The following ATP10B variants were observed in gnomAD, a reference collection of about 807,000 sequenced individuals.
The protein encoded by ATP10B is ATPase phospholipid transporting 10B (putative), also known as phospholipid-transporting ATPase VB.
In ATP10B, 122 loss-of-function variants were observed where a neutral mutation model predicts 141.2. The ratio of observed to expected loss-of-function variants is 0.86; its 90% CI spans 0.75 to 1.00. ATP10B has a LOEUF of 1.00. Among genes scored for constraint, ATP10B ranks in the 50% least tolerant of loss-of-function variants. The pLI is 0.00. For synonymous variants in ATP10B, 685 were observed against 692.0 expected, an observed-to-expected ratio of 0.99 and a Z score of 0.16; for missense variants, 1,876 against 1,825.3, an observed-to-expected ratio of 1.03 and a Z score of -0.51.
rs1758303156 is a variant in ATP10B at position 160,620,851 on chromosome 5, A to C, written c.1912T>G (p.Ser638Ala). 1 of 1,614,230 alleles carries C rather than the reference A, an allele frequency of 6.2e-7. No individual in the cohort carries two copies. Among genetic ancestry groups the C allele is most frequent in the Non-Finnish European group, 8.5e-7 (1 of 1,180,030 alleles). ...TCTGTGTCAGAGGGTGCAGTGGATG[A>C]GAATGACTGGCTGAGGCTCAATAGC... ...LKLLSLSQSF[S>A]STAPSDTDLG... Residue 638 changes from serine to alanine, a missense_variant, in exon 15 of 26, where the codon TCA becomes GCA. Ser to Ala is a moderately conservative substitution (Grantham distance 99). Coordinates refer to ENST00000327245, the MANE Select transcript of ATP10B (RefSeq NM_025153.3).
chr5:160,759,572 C>A (rs1456392889), intron 2 of ATP10B, among the ~76,000 whole-genome samples: 6 of 152,098 alleles, frequency 3.9e-5, no homozygotes, highest in Non-Finnish European at 7.4e-5. Flanking sequence ...ATAGCTGAGG[C>A]CTTTCTAAAT....
chr5:160,861,377 A>T, the ATP10B span, among the ~76,000 whole-genome samples: 2 of 151,942 alleles, frequency 1.3e-5, no homozygotes, highest in Non-Finnish European at 2.9e-5. Context: ...TATTTTGATG[A>T]TTATGGAATG....
At position 160,598,987 on chromosome 5, in the gene ATP10B, T is replaced by C. The variant is rs770432631; in HGVS notation, c.3364-17A>G. ...GACGTAGCACTGCAGGCAGAGAGCA[T>C]GGCCTTGTGAGTGGGGCTCCATGTG... On this transcript the variant is annotated splice_polypyrimidine_tract_variant and intron_variant, in intron 21 of 25. Coordinates refer to ENST00000327245, the MANE Select transcript of ATP10B (RefSeq NM_025153.3). The C allele has an allele frequency of 2.5e-6, 4 of 1,612,724 alleles. No homozygotes were observed. Among genetic ancestry groups the C allele is most frequent in the East Asian group, 2.2e-5 (1 of 44,844 alleles).
intron 1 of ATP10B, among the ~76,000 whole-genome samples, chr5:160,832,961 A>G (rs1775192890): frequency 1.3e-5 from 2 of 152,096 alleles, no homozygotes; most frequent in African/African-American, 4.8e-5. Flanking sequence ...GTCACTCTCC[A>G]ACCCTTTTCA....
chr5:160,846,053 G>A (rs750356991), intron 1 of ATP10B, among the ~76,000 whole-genome samples: 4 of 152,110 alleles, frequency 2.6e-5, no homozygotes, highest in Admixed American at 1.3e-4. Context: ...ACACAGACAT[G>A]CACATATTCC....
chr5:160,753,561 G>A (rs1193072366), intron 2 of ATP10B, among the ~76,000 whole-genome samples: 1 of 152,060 alleles, frequency 6.6e-6, no homozygotes, highest in Non-Finnish European at 1.5e-5. Context: ...GAAGAATATT[G>A]GGGTTCCTTG....
intron 6 of ATP10B, among the ~76,000 whole-genome samples, chr5:160,681,098 A>G (rs1763372303): frequency 2.0e-5 from 3 of 152,172 alleles, no homozygotes; most frequent in South Asian, 2.1e-4. Context: ...GACACTTGTA[A>G]TGACTTAAGC....
chr5:160,907,312 T>C, the ATP10B span, among the ~76,000 whole-genome samples: 1 of 152,006 alleles, frequency 6.6e-6, no homozygotes, highest in Non-Finnish European at 1.5e-5. Context: ...TTACACAACA[T>C]TGTTATTGAA....
Position 160,793,198 on chromosome 5 carries a change from G to A in ATP10B, c.-575-7395C>T, listed in dbSNP as rs1025162361. ...TGCCATTTGAAACTTTCTCTTCAAA[G>A]TTCCATTTTTTTTTTTTTTGCCATA... On this transcript the variant is annotated intron_variant, in intron 1 of 25. Coordinates refer to ENST00000327245, the MANE Select transcript of ATP10B (RefSeq NM_025153.3). Among the ~76,000 whole-genome samples, 9 of 122,520 alleles carry A rather than the reference G, an allele frequency of 7.3e-5. 1 individual carries two copies. The highest frequency in any genetic ancestry group is 2.2e-4 in the African/African-American group (7 of 32,346). The allele number at this position is 122,520 out of a possible 152,430, so 80.4% of individuals were successfully genotyped here. A position where few individuals can be genotyped will look rare whatever the true frequency, so the allele number is the denominator to read the frequency against.
At chr5:160,840,078 T>C (rs1775718880) in intron 1 of ATP10B, among the ~76,000 whole-genome samples, 2 of 152,074 alleles carry the variant, frequency 1.3e-5, no homozygotes, top group East Asian at 1.9e-4. Context: ...CTCTGAAAGA[T>C]GCAAAAGTAC....
At chr5:160,590,975 G>C in intron 23 of ATP10B, 84 bp downstream of exon 23, 1 of 1,163,172 alleles carries the variant, frequency 8.6e-7, no homozygotes, top group East Asian at 2.3e-5. Context: ...TGTCCAGAAG[G>C]ACACTACTGG....
chr5:160,794,132 C>T (rs1354626578), intron 1 of ATP10B, among the ~76,000 whole-genome samples: 1 of 152,100 alleles, frequency 6.6e-6, no homozygotes, highest in African/African-American at 2.4e-5. Flanking sequence ...ATATAATTGA[C>T]AGTTTTTGAG....
chr5:160,602,193 A>G (rs1346854881), intron 21 of ATP10B, among the ~76,000 whole-genome samples: 1 of 152,230 alleles, frequency 6.6e-6, no homozygotes, highest in African/African-American at 2.4e-5. Context: ...TAGTCCTCAT[A>G]GCAAATATGA....
intron 22 of ATP10B, among the ~76,000 whole-genome samples, chr5:160,594,560 G>C (rs993316588): frequency 2.6e-5 from 4 of 151,800 alleles, no homozygotes; most frequent in African/African-American, 9.7e-5. Context: ...AATGTAAATG[G>C]ACTAAATGCT....
chr5:160,666,763 C>T (rs777449444), intron 7 of ATP10B, among the ~76,000 whole-genome samples: 3 of 152,274 alleles, frequency 2.0e-5, no homozygotes, highest in South Asian at 2.1e-4. Context: ...ATGTCTCCCT[C>T]CAGGGAGCAG....
chr5:160,609,956 C>T (rs1160984844), intron 18 of ATP10B, among the ~76,000 whole-genome samples: 1 of 152,136 alleles, frequency 6.6e-6, no homozygotes, highest in Non-Finnish European at 1.5e-5. Flanking sequence ...ATTAAATCAT[C>T]TCTTAATTTA....
chr5:160,565,978 A>G, intron 25 of ATP10B, 78 bp from the exon 26 acceptor site: 2 of 1,353,702 alleles, frequency 1.5e-6, no homozygotes, highest in Non-Finnish European at 2.0e-6. Flanking sequence ...GATAGTCTTT[A>G]GAATCCAACT....
intron 2 of ATP10B, among the ~76,000 whole-genome samples, chr5:160,754,372 TC>T (rs1396413050): frequency 6.6e-6 from 1 of 152,082 alleles, no homozygotes; most frequent in Admixed American, 6.6e-5. Context: ...ATTTCACTGA[TC>T]ATGGGTCAGG....
intron 22 of ATP10B, 68 bp downstream of exon 22, chr5:160,598,702 C>T: frequency 1.4e-6 from 2 of 1,468,746 alleles, no homozygotes; most frequent in Non-Finnish European, 1.9e-6. Context: ...TCTCTGATGC[C>T]TCCAGAGGGG....
Sources: allele counts gnomAD v4.1 joint callset (sites outside exome capture counted in the v4.1 genomes callset), GRCh38; gene constraint gnomAD v4.1.1; transcripts MANE v1.5; gene names NCBI Gene and HGNC (gene_info 2026-07-23, HGNC 2026-07-21).